CDH4: variants seen among roughly 807,000 people sequenced by gnomAD.
CDH4 encodes the protein cadherin 4.
Under a neutral mutation model 86.0 loss-of-function variants are expected in CDH4, and 33 were observed. The ratio of observed to expected loss-of-function variants is 0.38; its 90% CI spans 0.29 to 0.51. The LOEUF is 0.51. CDH4 is among the 20% of genes least tolerant of loss of function. The pLI is 0.86. For missense variants in CDH4, 1,114 were observed against 1,307.4 expected (o/e 0.85, Z 2.28); for synonymous variants, 555 against 549.4 (o/e 1.01, Z -0.14).
At chr20:61,835,592 C>T (rs1327985334) in intron 4 of CDH4, among the ~76,000 whole-genome samples, 4 of 152,210 alleles carry the variant, frequency 2.6e-5, no homozygotes, top group Non-Finnish European at 5.9e-5. Flanking sequence ...CAGAGGCAGC[C>T]TCCTGGCCTC....
At position 61,435,967 on chromosome 20, in the gene CDH4, C is replaced by T. The variant is rs184527940; in HGVS notation, c.169+181030C>T. ...GGCCTGGCCCTGCCCCACCTCCCCT[C>T]GCCTTCTCCAGTCTGGCCACACTTG... On this transcript the variant is annotated intron_variant, in intron 2 of 15. Transcript: ENST00000614565. Among the ~76,000 whole-genome samples the T allele has an allele frequency of 2.3e-3, 345 of 152,146 alleles. 1 individual carries two copies. Among genetic ancestry groups the T allele is most frequent in the Middle Eastern group, 6.8e-3 (2 of 294 alleles).
At chr20:61,265,766 G>T (rs2123129284) in intron 2 of CDH4, among the ~76,000 whole-genome samples, 1 of 152,324 alleles carries the variant, frequency 6.6e-6, no homozygotes, top group East Asian at 1.9e-4. Context: ...TGAGTGACCT[G>T]GCATGAGCTG....
chr20:61,655,406 C>G (rs1378665594), intron 2 of CDH4, among the ~76,000 whole-genome samples: 1 of 152,210 alleles, frequency 6.6e-6, no homozygotes, highest in African/African-American at 2.4e-5. Flanking sequence ...ACACAGAACA[C>G]TCATTTCAGC....
intron 2 of CDH4, among the ~76,000 whole-genome samples, chr20:61,326,187 G>A (rs754953830): frequency 5.3e-5 from 8 of 152,150 alleles, no homozygotes; most frequent in Admixed American, 3.3e-4. Context: ...ATATGCCACC[G>A]TTTGCATACT....
chr20:61,346,895 G>C (rs1450943680), intron 2 of CDH4, among the ~76,000 whole-genome samples: 1 of 152,028 alleles, frequency 6.6e-6, no homozygotes, highest in African/African-American at 2.4e-5. Flanking sequence ...CCACGTACGG[G>C]TGCCCCCCAT....
intron 11 of CDH4, among the ~76,000 whole-genome samples, chr20:61,927,839 C>T (rs910550168): frequency 1.3e-5 from 2 of 152,036 alleles, no homozygotes; most frequent in Admixed American, 1.3e-4. Flanking sequence ...TGGGTGTGGC[C>T]GTGTGCTCTG....
chr20:61,648,724 A>T (rs956236791), intron 2 of CDH4, among the ~76,000 whole-genome samples: 2 of 152,166 alleles, frequency 1.3e-5, no homozygotes, highest in African/African-American at 4.8e-5. Flanking sequence ...TGTTGAGCCA[A>T]GTCAAACCAC....
chr20:61,343,961 C>T (rs753487752), intron 2 of CDH4, among the ~76,000 whole-genome samples: 2 of 152,034 alleles, frequency 1.3e-5, no homozygotes, highest in Admixed American at 6.6e-5. Context: ...CCCTGAGAAA[C>T]TGACTTCACT....
At chr20:61,632,657 TC>T in intron 2 of CDH4, among the ~76,000 whole-genome samples, 2 of 149,674 alleles carry the variant, frequency 1.3e-5, no homozygotes, top group African/African-American at 4.9e-5. Context: ...TCTTTCCATC[TC>T]CCCACACACC....
chr20:61,429,118 T>C (rs901173250), intron 2 of CDH4, among the ~76,000 whole-genome samples: 5 of 152,200 alleles, frequency 3.3e-5, no homozygotes, highest in Admixed American at 6.5e-5. Flanking sequence ...GCTTATATAA[T>C]GACAGCTTAT....
At chr20:61,899,954 G>A (rs1006331289) in intron 8 of CDH4, among the ~76,000 whole-genome samples, 4 of 152,212 alleles carry the variant, frequency 2.6e-5, no homozygotes, top group African/African-American at 9.6e-5. Context: ...GGGTCTGTGG[G>A]TCTGTGGTCC....
chr20:61,579,550 G>A (rs1224845324), intron 2 of CDH4, among the ~76,000 whole-genome samples: 2 of 152,066 alleles, frequency 1.3e-5, no homozygotes, highest in Non-Finnish European at 2.9e-5. Flanking sequence ...GCCTCCCAAA[G>A]TGCTGGGATT....
rs1568688165 is a variant in CDH4, at chr20:61,565,150, T to TTGTGGTCCTCTTGGTG, written c.170-178413_170-178412insTGTGGTCCTCTTGGTG. On this transcript the variant is annotated intron_variant, in intron 2 of 15. Coordinates refer to ENST00000614565, the MANE Select transcript of CDH4 (RefSeq NM_001794.5). Reference sequence around the variant, plus strand: ...GTGGTGCTGGTCCTCTTGGTGTTGGTAGTGGTCCTCTTGGTGATGGGGTGG... The same window carrying TTGTGGTCCTCTTGGTG: ...GTGGTGCTGGTCCTCTTGGTGTTGGTTGTGGTCCTCTTGGTGAGTGGTCCTCTTGGTGATGGGGTGG... Among the ~76,000 whole-genome samples, 18 of 131,742 alleles carry TTGTGGTCCTCTTGGTG rather than the reference T, an allele frequency of 1.4e-4. 1 individual carries two copies. The highest frequency in any genetic ancestry group is 4.0e-4 in the African/African-American group (14 of 35,378). The allele number at this position is 131,742 out of a possible 152,430, so 86.4% of individuals were successfully genotyped here.
Position 61,882,745 on chromosome 20 carries a change from G to A in CDH4, c.1050+8845G>A, listed in dbSNP as rs564455725. ...AAGGCCCGTGCGTCTCAGGAGAATG[G>A]GAGAGGGAACGTGTCTGCGGAAGGG... On this transcript the variant is annotated intron_variant, in intron 7 of 15. Transcript: ENST00000614565. Among the ~76,000 whole-genome samples, 6 of 152,350 alleles carry A rather than the reference G, an allele frequency of 3.9e-5. No homozygotes were observed. In the South Asian group the frequency reaches 1.0e-3, roughly 26 times the overall value.
intron 2 of CDH4, among the ~76,000 whole-genome samples, chr20:61,624,981 C>A: frequency 6.6e-6 from 1 of 152,180 alleles, no homozygotes; most frequent in East Asian, 1.9e-4. Flanking sequence ...GTGAGCTGAA[C>A]CCAGTTAATT....
intron 7 of CDH4, 88 bp from the exon 8 acceptor site, chr20:61,894,822 C>T: frequency 7.0e-7 from 1 of 1,433,136 alleles, no homozygotes; most frequent in Non-Finnish European, 9.5e-7. Flanking sequence ...AACTCCGTTC[C>T]TGTAAACGGA....
intron 2 of CDH4, among the ~76,000 whole-genome samples, chr20:61,338,508 T>G (rs566049579): frequency 6.6e-6 from 1 of 152,282 alleles, no homozygotes; most frequent in East Asian, 1.9e-4. Flanking sequence ...CGTCTGGACT[T>G]GGGGACTTGT....
chr20:61,402,597 G>T (rs144601557), intron 2 of CDH4, among the ~76,000 whole-genome samples: 3,219 of 152,200 alleles, frequency 0.021, 96 homozygotes, highest in African/African-American at 0.056. Flanking sequence ...CATCATGTTG[G>T]CCAGGCCGGT....
chr20:61,726,863 T>G (rs1487164679), intron 2 of CDH4, among the ~76,000 whole-genome samples: 1 of 134,750 alleles, frequency 7.4e-6, no homozygotes, highest in African/African-American at 3.0e-5. Flanking sequence ...GCCATCATCA[T>G]CACCATCGGA....
Sources: allele counts gnomAD v4.1 joint callset (sites outside exome capture counted in the v4.1 genomes callset), GRCh38; gene constraint gnomAD v4.1.1; transcripts MANE v1.5; gene names NCBI Gene and HGNC (gene_info 2026-07-23, HGNC 2026-07-21).